The following CAPN7 variants were observed in gnomAD, a reference collection of about 807,000 sequenced individuals.
CAPN7 encodes the protein calpain-7.
Under a neutral mutation model 115.2 loss-of-function variants are expected in CAPN7, and 72 were observed. The observed-to-expected ratio is 0.63, with a 90% CI of 0.52 to 0.76. The LOEUF is 0.76. Among genes scored for constraint, CAPN7 ranks in the 30% least tolerant of loss-of-function variants. The pLI is 0.00. For synonymous variants in CAPN7, 344 were observed against 322.3 expected, an observed-to-expected ratio of 1.07 and a Z score of -0.72; for missense variants, 905 against 971.5, an observed-to-expected ratio of 0.93 and a Z score of 0.91.
chr3:15,209,752 A>G (rs1013897920), intron 1 of CAPN7, among the ~76,000 whole-genome samples: 2 of 152,258 alleles, frequency 1.3e-5, no homozygotes, highest in African/African-American at 4.8e-5. Context: ...AGATTTTATT[A>G]AAGCAAAAGA....
chr3:15,223,475 GACA>G lies in CAPN7; in HGVS notation c.643_645del (p.Thr215del). On this transcript the variant is annotated inframe_deletion and splice_region_variant, in exon 6 of 21. Coordinates refer to ENST00000253693, the MANE Select transcript of CAPN7 (RefSeq NM_014296.3). ...TAGGTTTTTTTCTCGTGTTTGATAGGACAACATCAAAAATAAATGGTATAGAAT... is the reference window on the plus strand; with the variant it reads ...TAGGTTTTTTTCTCGTGTTTGATAGGACATCAAAAATAAATGGTATAGAAT... 1.9e-6 allele frequency: 3 copies of G among 1,594,360 alleles called. No homozygotes were observed. The highest frequency in any genetic ancestry group is 2.6e-6 in the Non-Finnish European group (3 of 1,163,668).
chr3:15,210,761 G>A, intron 1 of CAPN7: 1 of 1,288,152 alleles, frequency 7.8e-7, no homozygotes, highest in Non-Finnish European at 1.0e-6. Context: ...GTTTCACCAT[G>A]TTGCCCAGGC....
intron 17 of CAPN7, 80 bp from the exon 18 acceptor site, chr3:15,246,652 A>T (rs1695678380): frequency 1.2e-5 from 12 of 1,011,380 alleles, no homozygotes; most frequent in Non-Finnish European, 1.8e-5. Context: ...TGATTTTTTT[A>T]GTCTTCCAAT....
chr3:15,246,709 A>G (rs1246675909), intron 17 of CAPN7, 23 bp from the exon 18 acceptor site: 5 of 1,519,974 alleles, frequency 3.3e-6, no homozygotes, highest in East Asian at 2.3e-5. Context: ...AAATTTATCA[A>G]TACAGTCTTT....
At chr3:15,224,886 C>G (rs927419331) in intron 6 of CAPN7, among the ~76,000 whole-genome samples, 5 of 152,102 alleles carry the variant, frequency 3.3e-5, no homozygotes, top group African/African-American at 1.2e-4. Context: ...ATTTTTTTCA[C>G]TCAGGTAGCT....
chr3:15,238,896 T>C lies in CAPN7; in HGVS notation c.1408-1577T>C, dbSNP rs546441776. On this transcript the variant is annotated intron_variant, in intron 12 of 20. Coordinates refer to ENST00000253693, the MANE Select transcript of CAPN7 (RefSeq NM_014296.3). ...TTTGTTCTCTAGCATTCCTTCTTTT[T>C]AGAGCTGGTTCTCTACCCATCCAAA... Among the ~76,000 whole-genome samples, 6 of 151,174 alleles carry C rather than the reference T, an allele frequency of 4.0e-5. No homozygotes were observed. In the South Asian group the frequency reaches 1.3e-3, roughly 32 times the overall value.
At chr3:15,242,292 C>T (rs1009332872) in intron 16 of CAPN7, 39 bp downstream of exon 16, 2 of 1,230,150 alleles carry the variant, frequency 1.6e-6, no homozygotes, top group South Asian at 1.4e-5. Flanking sequence ...AATAAACATA[C>T]ATAAGATTTT....
chr3:15,218,127 C>CT (rs1458976014), intron 3 of CAPN7, among the ~76,000 whole-genome samples: 1 of 152,146 alleles, frequency 6.6e-6, no homozygotes, highest in Non-Finnish European at 1.5e-5. Flanking sequence ...TTGGCAGAGA[C>CT]TTTTGCTCAG....
chr3:15,210,461 A>G (rs946155928), intron 1 of CAPN7, among the ~76,000 whole-genome samples: 2 of 150,290 alleles, frequency 1.3e-5, no homozygotes, highest in African/African-American at 2.5e-5. Context: ...TAATGTTTAC[A>G]TGTAAAGTTA....
Position 15,227,852 on chromosome 3 carries a change from A to T in CAPN7, c.739A>T (p.Lys247Ter). 1 of 1,527,020 alleles carries T rather than the reference A, an allele frequency of 6.5e-7. No homozygotes were observed. The highest frequency in any genetic ancestry group is 8.8e-7 in the Non-Finnish European group (1 of 1,135,828). 94.6% of individuals were successfully genotyped at this position (1,527,020 alleles called of 1,614,324 possible). ...YPMPFCDRWG[K>*]LPLSPKQKTT... ...TTATTACCTCAGTGATAGATGGGGC[A>T]AGCTACCATTATCACCTAAACAAAA... Residue 247 changes from lysine to a stop codon, truncating the protein, a stop_gained, in exon 7 of 21, where the codon AAG becomes TAG. Transcript: ENST00000253693. LOFTEE classifies it high-confidence loss of function.
In CAPN7 at chr3:15,220,837, G is replaced by A. The variant is rs1488387594; in HGVS notation, c.494G>A (p.Ser165Asn). Residue 165 changes from serine to asparagine, a missense_variant, in exon 5 of 21, where the codon AGT (serine) becomes AAT (asparagine). Coordinates refer to ENST00000253693, the MANE Select transcript of CAPN7 (RefSeq NM_014296.3). ...TKPVGKISST[S>N]VKPKPPPVRA... ...CCAGTTGGCAAAATCAGTTCAACAA[G>A]TGTTAAGCCAAAGCCACCTCCAGTG... 1 of 1,614,170 alleles carries A rather than the reference G, an allele frequency of 6.2e-7. No individual in the cohort carries two copies. Among genetic ancestry groups the A allele is most frequent in the Non-Finnish European group, 8.5e-7 (1 of 1,180,030 alleles).
intron 15 of CAPN7, among the ~76,000 whole-genome samples, chr3:15,241,917 CT>C (rs1428957242): frequency 6.6e-6 from 1 of 152,134 alleles, no homozygotes; most frequent in Non-Finnish European, 1.5e-5. Context: ...AATCATTAGT[CT>C]TGATTCTGTA....
chr3:15,217,529 G>T lies in CAPN7; in HGVS notation c.316G>T (p.Val106Phe). ...QAFDEDEKEN[V>F]EDAIELYTEA... ...TTTTGATGAAGATGAAAAAGAGAAT[G>T]TTGAAGATGCTATAGAATTGTACAC... The change falls in exon 3 of 21, where the codon GTT (valine) becomes TTT (phenylalanine). Residue 106 changes from valine (V) to phenylalanine (F), a missense_variant. Around this residue, in one of 3 missense-constraint regions of CAPN7, gnomAD observed 271 missense variants for 239.6 expected, o/e 1.13. Transcript: ENST00000253693. 2.5e-6 allele frequency: 4 copies of T among 1,613,872 alleles called. No individual in the cohort carries two copies. In the South Asian group the frequency reaches 3.3e-5, roughly 13 times the overall value.
chr3:15,216,120 T>C (rs1309094314), intron 2 of CAPN7, among the ~76,000 whole-genome samples: 5 of 152,266 alleles, frequency 3.3e-5, no homozygotes, highest in African/African-American at 1.2e-4. Context: ...GATTTTTGCA[T>C]AGACATGTTT....
chr3:15,219,575 A>G (rs1693840812), intron 4 of CAPN7, among the ~76,000 whole-genome samples: 1 of 152,160 alleles, frequency 6.6e-6, no homozygotes, highest in African/African-American at 2.4e-5. Flanking sequence ...AACCCATCCA[A>G]TATTCTCAAG....
chr3:15,214,869 C>G (rs2045156479), intron 2 of CAPN7, among the ~76,000 whole-genome samples: 1 of 152,344 alleles, frequency 6.6e-6, no homozygotes, highest in South Asian at 2.1e-4. Context: ...CCCCAGGGGA[C>G]ATTTGGCAAT....
At chr3:15,211,061 A>G (rs1197601461) in intron 1 of CAPN7, 8 of 456,164 alleles carry the variant, frequency 1.8e-5, no homozygotes, top group Non-Finnish European at 2.1e-5. Context: ...GAATAACTGG[A>G]AGAAGAATCC....
At chr3:15,232,763 A>G (rs1694769188) in intron 10 of CAPN7, 98 bp downstream of exon 10, 1 of 1,030,072 alleles carries the variant, frequency 9.7e-7, no homozygotes. Flanking sequence ...GTTTATAGGG[A>G]AAGAGAGCAG....
chr3:15,232,743 T>G, intron 10 of CAPN7, 78 bp downstream of exon 10: 3 of 1,273,148 alleles, frequency 2.4e-6, no homozygotes, highest in Non-Finnish European at 3.2e-6. Context: ...AAATTCTAGA[T>G]AGTCTTTTTG....
Sources: allele counts gnomAD v4.1 joint callset (sites outside exome capture counted in the v4.1 genomes callset), GRCh38; gene constraint gnomAD v4.1.1; regional missense constraint gnomAD v4.1.1; transcripts MANE v1.5; gene names NCBI Gene and HGNC (gene_info 2026-07-23, HGNC 2026-07-21).